The following ARHGEF2 variants were observed in gnomAD, a reference collection of about 807,000 sequenced individuals.
ARHGEF2 encodes Rho/Rac guanine nucleotide exchange factor 2, also known as rho guanine nucleotide exchange factor 2.
A neutral mutation model predicts 121.0 loss-of-function variants in ARHGEF2; 22 were observed. That is an observed-to-expected ratio of 0.18 (90% CI 0.13 to 0.26). The LOEUF (loss-of-function observed/expected upper bound fraction) is 0.26. Ranked by LOEUF, ARHGEF2 falls within the 10% of genes least tolerant of loss-of-function variation. The pLI, the probability that ARHGEF2 is intolerant of heterozygous loss-of-function variation, is 1.00. For synonymous variants in ARHGEF2, 487 were observed against 530.0 expected, an observed-to-expected ratio of 0.92 and a Z score of 1.11; for missense variants, 907 against 1,336.0, an observed-to-expected ratio of 0.68 and a Z score of 5.01.
rs1680014946 is a variant in ARHGEF2 at position 155,969,235 on chromosome 1, G to A, written c.129C>T (p.Thr43=). The A allele has an allele frequency of 2.5e-6, 4 of 1,614,206 alleles. No individual in the cohort carries two copies. In the African/African-American group the frequency reaches 5.3e-5, roughly 22 times the overall value. ...TGGTCATGCCTGAAACTGAAATGGT[G>A]GTGAAGAGGTGCCCATTGGTATAGC... ...DARYTNGHLF[T]TISVSGMTMC... is the part of the protein sequence containing the mutation. Residue 43 remains threonine, a synonymous_variant, in exon 2 of 22, where the codon ACC becomes ACT. Coordinates refer to ENST00000361247, the MANE Select transcript of ARHGEF2 (RefSeq NM_001162383.2).
intron 11 of ARHGEF2, among the ~76,000 whole-genome samples, chr1:155,959,272 G>A (rs762220092): frequency 2.0e-5 from 3 of 151,496 alleles, no homozygotes; most frequent in Non-Finnish European, 4.4e-5. Flanking sequence ...TTTTTGAGAC[G>A]GAGTCTCACT....
At chr1:155,949,821 G>A (rs1219876004) in intron 21 of ARHGEF2, among the ~76,000 whole-genome samples, 1 of 151,850 alleles carries the variant, frequency 6.6e-6, no homozygotes, top group Non-Finnish European at 1.5e-5. Context: ...AGGTTGCAGT[G>A]AGCCAAGATC....
intron 1 of ARHGEF2, among the ~76,000 whole-genome samples, chr1:155,975,527 G>A (rs941088471): frequency 6.6e-6 from 1 of 151,100 alleles, no homozygotes; most frequent in African/African-American, 2.4e-5. Flanking sequence ...TAGAATTTTT[G>A]TCTATGTCCC....
rs757776007 is a variant in ARHGEF2 at position 155,947,472 on chromosome 1, G to C, written c.*470C>G. ...GCCCACAGCCCTCCTTTATTTAAAGGGCAGTAGGGTGCTGTGGCTGCAGCC... is the reference window on the plus strand; with the variant it reads ...GCCCACAGCCCTCCTTTATTTAAAGCGCAGTAGGGTGCTGTGGCTGCAGCC... On this transcript the variant is annotated 3_prime_UTR_variant, in exon 22 of 22. Transcript: ENST00000361247. The C allele has an allele frequency of 2.2e-6, 1 of 454,388 alleles. No individual in the cohort carries two copies. The highest frequency in any genetic ancestry group is 4.4e-6 in the Non-Finnish European group (1 of 225,908). 28.1% of individuals were successfully genotyped at this position (454,388 alleles called of 1,614,324 possible). A position where few individuals can be genotyped will look rare whatever the true frequency, so the allele number is the denominator to read the frequency against.
chr1:155,952,582 G>T (rs771834988), intron 15 of ARHGEF2, 46 bp downstream of exon 15: 8 of 1,559,836 alleles, frequency 5.1e-6, no homozygotes, highest in Non-Finnish European at 6.1e-6. Flanking sequence ...CACATTCTGT[G>T]ACGGTGAGTG....
intron 13 of ARHGEF2, among the ~76,000 whole-genome samples, chr1:155,956,041 G>A (rs1262914655): frequency 2.6e-5 from 4 of 151,800 alleles, no homozygotes; most frequent in African/African-American, 4.8e-5. Flanking sequence ...TAATAAAGAA[G>A]CCACTACAGA....
chr1:155,974,352 G>C (rs1033048425), intron 1 of ARHGEF2, among the ~76,000 whole-genome samples: 1 of 152,204 alleles, frequency 6.6e-6, no homozygotes, highest in African/African-American at 2.4e-5. Context: ...CGGAGAGCCT[G>C]TGGAGCATTC....
Position 155,978,398 on chromosome 1 carries a change from C to T in ARHGEF2, c.30G>A (p.Ala10=). MSRIESLTR[A]RIDRSRELAS... is the part of the protein sequence containing the mutation. ...CCAGCTCTCTGCTCCGGTCGATCCG[C>T]GCCCGCGTGAGGGATTCGATCCGAG... is the stretch of plus-strand genomic sequence containing the variant. The change falls in exon 1 of 22, where the codon GCG becomes GCA. Residue 10 remains alanine (A), a synonymous_variant. Coordinates refer to ENST00000361247, the MANE Select transcript of ARHGEF2 (RefSeq NM_001162383.2). This position sits in a 1 kb window ranked among gnomAD's most constrained non-coding sequence, Gnocchi z 4.1. 1 of 1,518,232 alleles carries T rather than the reference C, an allele frequency of 6.6e-7. No individual in the cohort carries two copies. Among genetic ancestry groups the T allele is most frequent in the Non-Finnish European group, 8.9e-7 (1 of 1,123,964 alleles). The allele number at this position is 1,518,232 out of a possible 1,614,324, so 94.0% of individuals were successfully genotyped here.
chr1:155,966,880 A>G lies in ARHGEF2; in HGVS notation c.216T>C (p.Asn72=), dbSNP rs1679494642. Residue 72 remains asparagine, a synonymous_variant, in exon 3 of 22, where the codon AAT becomes AAC. Transcript: ENST00000361247. The part of the protein sequence containing the change: ...AKEALICPTC[N]VTIHNRCKDT... ...CTTTACAGCGGTTGTGGATAGTCACATTGCAGGCTGGGAGGGTGGGGTAGA... is the reference window on the plus strand; with the variant it reads ...CTTTACAGCGGTTGTGGATAGTCACGTTGCAGGCTGGGAGGGTGGGGTAGA... 2.5e-6 allele frequency: 4 copies of G among 1,612,800 alleles called. No homozygotes were observed. The highest frequency in any genetic ancestry group is 2.2e-5 in the South Asian group (2 of 91,058).
At chr1:155,955,170 C>T (rs959458192) in intron 13 of ARHGEF2, among the ~76,000 whole-genome samples, 8 of 152,098 alleles carry the variant, frequency 5.3e-5, no homozygotes, top group African/African-American at 1.9e-4. Context: ...CTCTGTCACC[C>T]AGGCTGGAGT....
rs536609692 is a variant in ARHGEF2, at chr1:155,949,090, A to G, written c.2888-1075T>C. On this transcript the variant is annotated intron_variant, in intron 21 of 21. Transcript: ENST00000361247. ...TGGTGAAACCCCATCTCTACTAAAA[A>G]ATACAAAAAAAATTAGCCAGGTGTG... 2.0e-5 allele frequency among the ~76,000 whole-genome samples: 3 copies of G among 151,968 alleles called. No individual in the cohort carries two copies. In the East Asian group the frequency reaches 5.8e-4, roughly 29 times the overall value.
intron 1 of ARHGEF2, among the ~76,000 whole-genome samples, chr1:155,972,652 G>C (rs1680671719): frequency 6.6e-6 from 1 of 151,236 alleles, no homozygotes; most frequent in South Asian, 2.1e-4. Flanking sequence ...GTGCTCAGAG[G>C]CCCTTCCTGC....
intron 1 of ARHGEF2, chr1:155,971,105 C>T (rs1273454627): frequency 3.0e-6 from 3 of 985,810 alleles, no homozygotes; most frequent in African/African-American, 3.5e-5. Context: ...TCACGCAGGC[C>T]AACTGCTCCT....
chr1:155,954,865 T>C (rs1676353539), intron 14 of ARHGEF2, 37 bp downstream of exon 14: 1 of 1,581,736 alleles, frequency 6.3e-7, no homozygotes, highest in Non-Finnish European at 8.7e-7. Context: ...GTGAATGTAT[T>C]ATAAATTACT....
At chr1:155,974,008 C>T (rs959835196) in intron 1 of ARHGEF2, among the ~76,000 whole-genome samples, 1 of 151,816 alleles carries the variant, frequency 6.6e-6, no homozygotes, top group African/African-American at 2.4e-5. Context: ...CAAGCAAGCC[C>T]TAAGCTCTCA....
intron 11 of ARHGEF2, among the ~76,000 whole-genome samples, chr1:155,960,398 G>C (rs1230047482): frequency 6.6e-6 from 1 of 151,668 alleles, no homozygotes; most frequent in Non-Finnish European, 1.5e-5. Flanking sequence ...GAGCCCAGGA[G>C]TTTGAGTTAC....
Position 155,978,461 on chromosome 1 carries a change from G to A in ARHGEF2, c.-34C>T, listed in dbSNP as rs1171746334. 6 of 1,448,254 alleles carry A rather than the reference G, an allele frequency of 4.1e-6. No individual in the cohort carries two copies. Among genetic ancestry groups the A allele is most frequent in the South Asian group, 1.3e-5 (1 of 74,676 alleles). 89.7% of individuals were successfully genotyped at this position (1,448,254 alleles called of 1,614,324 possible). Reference sequence around the variant, plus strand: ...GGGGGGACCAGGGAGGACGCGGCGCGGACCCCGGCGTCCTGTATTGTTGGG... The same window carrying A: ...GGGGGGACCAGGGAGGACGCGGCGCAGACCCCGGCGTCCTGTATTGTTGGG... On this transcript the variant is annotated 5_prime_UTR_variant, in exon 1 of 22. Transcript: ENST00000361247. The surrounding 1 kb of genome is among the most constrained non-coding windows in gnomAD (Gnocchi z 4.1).
chr1:155,965,552 T>C lies in ARHGEF2; in HGVS notation c.470+79A>G. On this transcript the variant is annotated intron_variant, in intron 5 of 21. Transcript: ENST00000361247. This position sits in a 1 kb window ranked among gnomAD's most constrained non-coding sequence, Gnocchi z 6.0. ...CTGTCTACAGTTCTGAACTCAGGGA[T>C]GGAAAGGGACCTCTCAGCACCCCCT... 6.2e-7 allele frequency: 1 copy of C among 1,608,096 alleles called. No homozygotes were observed. The highest frequency in any genetic ancestry group is 8.5e-7 in the Non-Finnish European group (1 of 1,177,422).
At chr1:155,955,906 G>A (rs576323942) in intron 13 of ARHGEF2, among the ~76,000 whole-genome samples, 8 of 151,996 alleles carry the variant, frequency 5.3e-5, no homozygotes, top group African/African-American at 1.7e-4. Context: ...AGTAGAGACA[G>A]GGTTTCGCCA....
Sources: gnomAD v4.1 joint callset for allele counts (sites outside exome capture counted in the v4.1 genomes callset) on GRCh38, gnomAD v4.1.1 for gene constraint, Gnocchi (gnomAD v3.1) non-coding constraint, MANE v1.5 for transcripts, NCBI Gene and HGNC (gene_info 2026-07-23, HGNC 2026-07-21) for gene names.